TRIM54: variants seen among roughly 807,000 people sequenced by gnomAD.
The protein encoded by TRIM54 is tripartite motif containing 54, also known as tripartite motif-containing protein 54.
Under a neutral mutation model 42.0 loss-of-function variants are expected in TRIM54, and 40 were observed. That is an observed-to-expected ratio of 0.95 (90% CI 0.74 to 1.24). The LOEUF (loss-of-function observed/expected upper bound fraction) is 1.24, where lower values mean the gene tolerates loss of function less well. TRIM54 is among the 50% of genes most tolerant of loss of function. The pLI, the probability that TRIM54 is intolerant of heterozygous loss-of-function variation, is 0.00. For missense variants in TRIM54, 485 were observed against 480.3 expected, an observed-to-expected ratio of 1.01 and a Z score of -0.09; for synonymous variants, 199 against 194.9, an observed-to-expected ratio of 1.02 and a Z score of -0.17.
intron 1 of TRIM54, among the ~76,000 whole-genome samples, chr2:27,288,506 C>G (rs189358328): frequency 1.3e-5 from 2 of 152,310 alleles, no homozygotes; most frequent in African/African-American, 2.4e-5. Flanking sequence ...TGAACATAGC[C>G]TAGAATTAAA....
chr2:27,306,242 C>G lies in TRIM54; in HGVS notation c.896C>G (p.Ala299Gly), dbSNP rs1353456320. The change falls in exon 7 of 9, where the codon GCA becomes GGA. Residue 299 changes from alanine to glycine, a missense_variant. Coordinates refer to ENST00000380075, the MANE Select transcript of TRIM54 (RefSeq NM_187841.3). This position sits in a 1 kb window ranked among gnomAD's most constrained non-coding sequence, Gnocchi z 6.1. Reference sequence around the variant, plus strand: ...GGGGCCATGTCGAAGGTGGAGCTGGCAGGGCGGCCGGAGCCAGGCTATGAG... The same window carrying G: ...GGGGCCATGTCGAAGGTGGAGCTGGGAGGGCGGCCGGAGCCAGGCTATGAG... ...KVGAMSKVEL[A>G]GRPEPGYESM... The G allele has an allele frequency of 6.2e-7, 1 of 1,613,940 alleles. No individual in the cohort carries two copies. Among genetic ancestry groups the G allele is most frequent in the African/African-American group, 1.3e-5 (1 of 74,908 alleles).
In TRIM54 at chr2:27,282,714, G is replaced by A. The variant is rs1382887022; in HGVS notation, c.-18G>A. ...AAGGCCAGGAGCAGGGCCCAGGCCA[G>A]GCACGACCACCGAGGGGATGAACTT... On this transcript the variant is annotated 5_prime_UTR_variant, in exon 1 of 9. Transcript: ENST00000380075. The A allele has an allele frequency of 6.2e-7, 1 of 1,603,942 alleles. No homozygotes were observed. The highest frequency in any genetic ancestry group is 8.5e-7 in the Non-Finnish European group (1 of 1,175,572).
chr2:27,283,820 A>ACG (rs1553379119), intron 1 of TRIM54, among the ~76,000 whole-genome samples: 7 of 150,562 alleles, frequency 4.6e-5, no homozygotes, highest in Non-Finnish European at 5.9e-5. Flanking sequence ...ACACACACAC[A>ACG]CGGCCTTGCC....
At chr2:27,288,824 T>C (rs767958169) in intron 1 of TRIM54, among the ~76,000 whole-genome samples, 1 of 152,208 alleles carries the variant, frequency 6.6e-6, no homozygotes, top group Non-Finnish European at 1.5e-5. Context: ...CCTAGAGTGA[T>C]GGAATTTCCT....
chr2:27,303,820 G>A (rs1206521072), intron 3 of TRIM54, among the ~76,000 whole-genome samples: 6 of 152,112 alleles, frequency 3.9e-5, no homozygotes, highest in Non-Finnish European at 5.9e-5. Flanking sequence ...AAGCAACTGA[G>A]ATATTGGAAT....
chr2:27,296,145 G>C (rs1678860516), intron 1 of TRIM54, among the ~76,000 whole-genome samples: 1 of 152,174 alleles, frequency 6.6e-6, no homozygotes, highest in Non-Finnish European at 1.5e-5. Context: ...TTCCTGCCTT[G>C]CCTACAGCCC....
chr2:27,299,130 A>G (rs1678951055), intron 2 of TRIM54, 115 bp from the exon 3 acceptor site: 5 of 1,226,086 alleles, frequency 4.1e-6, no homozygotes, highest in Non-Finnish European at 5.7e-6. Context: ...CAGTTCAGCC[A>G]CAGCACTAGC....
chr2:27,303,824 T>G (rs554900828), intron 3 of TRIM54, among the ~76,000 whole-genome samples: 1 of 152,280 alleles, frequency 6.6e-6, no homozygotes, highest in East Asian at 1.9e-4. Flanking sequence ...AACTGAGATA[T>G]TGGAATTATT....
At chr2:27,305,886 G>T (rs1160581473) in intron 5 of TRIM54, 69 bp downstream of exon 5, 18 of 1,424,970 alleles carry the variant, frequency 1.3e-5, no homozygotes. Context: ...CTGGAGTCCC[G>T]GGTTCAAGTC....
chr2:27,291,724 G>T (rs910244813), intron 1 of TRIM54, among the ~76,000 whole-genome samples: 1 of 152,202 alleles, frequency 6.6e-6, no homozygotes, highest in African/African-American at 2.4e-5. Flanking sequence ...AGGAAGTGGG[G>T]TTAGGATTTG....
Position 27,306,389 on chromosome 2 carries a change from G to A in TRIM54, c.991+52G>A. The A allele has an allele frequency of 6.2e-7, 1 of 1,613,442 alleles. No homozygotes were observed. The highest frequency in any genetic ancestry group is 8.5e-7 in the Non-Finnish European group (1 of 1,179,696). On this transcript the variant is annotated intron_variant, in intron 7 of 8. Coordinates refer to ENST00000380075, the MANE Select transcript of TRIM54 (RefSeq NM_187841.3). The surrounding 1 kb of genome is among the most constrained non-coding windows in gnomAD (Gnocchi z 6.1). ...AGACGGGTTCGGACCCTCTGTGTGGGGGGTGCGGCGGGCACGATGGCCGTA... is the reference window on the plus strand; with the variant it reads ...AGACGGGTTCGGACCCTCTGTGTGGAGGGTGCGGCGGGCACGATGGCCGTA...
rs3073589 is a variant in TRIM54 at position 27,283,784 on chromosome 2, G to GCACACACACA, written c.168+913_168+922dup. ...CAAAGGCACACACACACACACGCGCGCACACACACACACACACACACACAC... is the reference window on the plus strand; with the variant it reads ...CAAAGGCACACACACACACACGCGCGCACACACACACACACACACACACACACACACACAC... On this transcript the variant is annotated intron_variant, in intron 1 of 8. Coordinates refer to ENST00000380075, the MANE Select transcript of TRIM54 (RefSeq NM_187841.3). Among the ~76,000 whole-genome samples, 966 of 132,160 alleles carry GCACACACACA rather than the reference G, an allele frequency of 7.3e-3. 12 individuals carry two copies. The highest frequency in any genetic ancestry group is 0.02 in the Admixed American group (264 of 13,076). The allele number at this position is 132,160 out of a possible 152,430, so 86.7% of individuals were successfully genotyped here.
intron 1 of TRIM54, among the ~76,000 whole-genome samples, chr2:27,297,784 A>G (rs147422096): frequency 2.0e-4 from 31 of 152,220 alleles, no homozygotes; most frequent in Non-Finnish European, 4.0e-4. Flanking sequence ...GTTTAAGACC[A>G]GCCTGGGCAA....
chr2:27,290,182 A>G (rs1473321238), intron 1 of TRIM54, among the ~76,000 whole-genome samples: 1 of 151,986 alleles, frequency 6.6e-6, no homozygotes, highest in Non-Finnish European at 1.5e-5. Flanking sequence ...TTTAAGAGAC[A>G]CTATCTCTTA....
In TRIM54 at chr2:27,306,409, G is replaced by A. The variant is rs1449567186; in HGVS notation, c.992-47G>A. ...TGTGGGGGGTGCGGCGGGCACGATG[G>A]CCGTAAAGGCAGGGACTCCACCTCA... On this transcript the variant is annotated intron_variant, in intron 7 of 8. Coordinates refer to ENST00000380075, the MANE Select transcript of TRIM54 (RefSeq NM_187841.3). The surrounding 1 kb of genome is among the most constrained non-coding windows in gnomAD (Gnocchi z 6.1). 6.2e-7 allele frequency: 1 copy of A among 1,611,566 alleles called. No homozygotes were observed. The highest frequency in any genetic ancestry group is 1.1e-5 in the South Asian group (1 of 90,826).
chr2:27,296,365 T>C (rs1678866448), intron 1 of TRIM54, among the ~76,000 whole-genome samples: 1 of 152,222 alleles, frequency 6.6e-6, no homozygotes, highest in African/African-American at 2.4e-5. Flanking sequence ...TCTCTAGGAA[T>C]GCATAATCTT....
intron 1 of TRIM54, among the ~76,000 whole-genome samples, chr2:27,287,293 C>T (rs1421051103): frequency 6.6e-6 from 1 of 152,062 alleles, no homozygotes; most frequent in Admixed American, 6.5e-5. Context: ...CCTCGACTTC[C>T]CAGCCTCTAG....
At position 27,306,079 on chromosome 2, in the gene TRIM54, G is replaced by A; in HGVS notation, c.844-1G>A. On this transcript the variant is annotated splice_acceptor_variant, in intron 5 of 8. Transcript: ENST00000380075. LOFTEE classifies it high-confidence loss of function. The surrounding 1 kb of genome is among the most constrained non-coding windows in gnomAD (Gnocchi z 6.1). ...TCTCACCCTCCTTTTCTTCCCTGCA[G>A]CAGGCCAAGGAGCTGATCAATAAGT... The A allele has an allele frequency of 6.2e-7, 1 of 1,613,830 alleles. No individual in the cohort carries two copies. The highest frequency in any genetic ancestry group is 8.5e-7 in the Non-Finnish European group (1 of 1,180,030).
At chr2:27,289,396 A>C (rs1678660209) in intron 1 of TRIM54, among the ~76,000 whole-genome samples, 1 of 152,100 alleles carries the variant, frequency 6.6e-6, no homozygotes, top group Non-Finnish European at 1.5e-5. Context: ...AGCTCACCAC[A>C]ACCTCTGCCT....
Sources: gnomAD v4.1 joint callset for allele counts (sites outside exome capture counted in the v4.1 genomes callset) on GRCh38, gnomAD v4.1.1 for gene constraint, Gnocchi (gnomAD v3.1) non-coding constraint, MANE v1.5 for transcripts, NCBI Gene and HGNC (gene_info 2026-07-23, HGNC 2026-07-21) for gene names.